Variants in CARF observed in about 807,000 individuals in gnomAD.
CARF encodes calcium-responsive transcription factor.
In CARF, 57 loss-of-function variants were observed where a neutral mutation model predicts 82.0. The observed-to-expected ratio is 0.70, with a 90% CI of 0.56 to 0.87. The LOEUF is 0.87. CARF is among the 40% of genes least tolerant of loss of function. The probability of loss-of-function intolerance (pLI) is 0.00; values close to 1 mark genes in which losing one functional copy is unlikely to be tolerated. For missense variants in CARF, 771 were observed against 855.8 expected (o/e 0.90, Z 1.24); for synonymous variants, 268 against 290.1 (o/e 0.92, Z 0.77).
intron 1 of CARF, among the ~76,000 whole-genome samples, chr2:202,913,903 ATAATATAAGACT>A (rs1427854382): frequency 2.0e-5 from 3 of 152,238 alleles, no homozygotes; most frequent in Non-Finnish European, 2.9e-5. Context: ...TATATGCTTA[ATAATATAAGACT>A]TTCAGTTTGC....
At chr2:202,969,028 G>A (rs759652377) in intron 10 of CARF, among the ~76,000 whole-genome samples, 7 of 152,144 alleles carry the variant, frequency 4.6e-5, no homozygotes, top group Non-Finnish European at 7.3e-5. Flanking sequence ...GGTGGCTCAC[G>A]CCTATAATCC....
intron 6 of CARF, 134 bp from the exon 7 acceptor site, chr2:202,953,871 A>C (rs2058890307): frequency 1.7e-6 from 1 of 595,298 alleles, no homozygotes; most frequent in Non-Finnish European, 2.5e-6. Flanking sequence ...ATTCTCAATA[A>C]AGCATTATTC....
rs779004166 is a variant in CARF at position 202,981,580 on chromosome 2, C to T, written c.1584C>T (p.Thr528=). 2 of 1,603,392 alleles carry T rather than the reference C, an allele frequency of 1.2e-6. No homozygotes were observed. The highest frequency in any genetic ancestry group is 1.7e-6 in the Non-Finnish European group (2 of 1,173,794). ...AEGNSPGESI[T]TKVETNQTRG... The stretch of plus-strand genomic sequence containing the variant: ...GAAATTCACCAGGAGAATCAATTAC[C>T]ACCAAAGTGGAAACAAATCAGACCA... The change falls in exon 15 of 17, where the codon ACC becomes ACT. Residue 528 remains threonine, a synonymous_variant. Transcript: ENST00000438828.
Position 202,945,542 on chromosome 2 carries a change from TTGTAAG to T in CARF, c.306+2578_306+2583del, listed in dbSNP as rs1173550181. 5.3e-5 allele frequency among the ~76,000 whole-genome samples: 8 copies of T among 152,180 alleles called. No homozygotes were observed. The East Asian group carries it at 1.4e-3, about 26-fold the overall frequency. ...TAAGTTTTTATCATTTAGCTCCCCC[TTGTAAG>T]TGAGAACATGCAGTATTTGGTTTTT... is the stretch of plus-strand genomic sequence containing the variant. On this transcript the variant is annotated intron_variant, in intron 5 of 16. Coordinates refer to ENST00000438828, the MANE Select transcript of CARF (RefSeq NM_024744.17).
At chr2:202,940,150 C>G (rs1292975393) in intron 3 of CARF, among the ~76,000 whole-genome samples, 1 of 152,172 alleles carries the variant, frequency 6.6e-6, no homozygotes, top group Non-Finnish European at 1.5e-5. Context: ...TCTTCTGCCT[C>G]AGCCTCCCAA....
chr2:202,977,300 T>C lies in CARF; in HGVS notation c.1526T>C (p.Leu509Pro), dbSNP rs1010188578. Reference sequence around the variant, plus strand: ...TGGACTACAGACAGTGGGAATATTCTCAAAGAGACCATGACAGTTACATTT... The same window carrying C: ...TGGACTACAGACAGTGGGAATATTCCCAAAGAGACCATGACAGTTACATTT... ...LQWTTDSGNI[L>P]KETMTVTFAE... The change falls in exon 14 of 17, where the codon CTC becomes CCC. Residue 509 changes from leucine (L) to proline (P), a missense_variant. Leu to Pro is a moderately conservative substitution (Grantham distance 98, BLOSUM62 -3). Transcript: ENST00000438828. 1 of 1,612,670 alleles carries C rather than the reference T, an allele frequency of 6.2e-7. No individual in the cohort carries two copies. The highest frequency in any genetic ancestry group is 1.3e-5 in the African/African-American group (1 of 74,892).
rs1262652068 is a variant in CARF, at chr2:202,983,449, C to G, written c.2060-57C>G. The stretch of plus-strand genomic sequence containing the variant: ...TTAGAATATAAAATATTTTTCCCCT[C>G]TCTTCCAGTGTCATGAAATAGATTA... On this transcript the variant is annotated intron_variant, in intron 16 of 16. Transcript: ENST00000438828. The G allele has an allele frequency of 5.6e-6, 6 of 1,072,030 alleles. No individual in the cohort carries two copies. The South Asian group carries it at 8.4e-5, about 15-fold the overall frequency. The allele number at this position is 1,072,030 out of a possible 1,614,324, so 66.4% of individuals were successfully genotyped here.
chr2:202,934,666 G>A (rs1403369378), intron 3 of CARF: 1 of 152,204 alleles, frequency 6.6e-6, no homozygotes, highest in Non-Finnish European at 1.5e-5. Context: ...TGTTGTCCGG[G>A]CTCGTCTGGA....
chr2:202,942,273 C>G (rs1478091834), intron 4 of CARF, among the ~76,000 whole-genome samples: 1 of 151,776 alleles, frequency 6.6e-6, no homozygotes, highest in African/African-American at 2.4e-5. Flanking sequence ...ACTCAGGAGG[C>G]TGAGGCAGGA....
rs777812066 is a variant in CARF, at chr2:202,966,970, G to A, written c.833-8G>A. On this transcript the variant is annotated splice_region_variant and splice_polypyrimidine_tract_variant and intron_variant, in intron 9 of 16. Transcript: ENST00000438828. ...GAATTAATATCAATAGTTGGTTTTG[G>A]CCCACAGGGAGTAGAGCTGTGGTAA... is the stretch of plus-strand genomic sequence containing the variant. 9 of 1,612,092 alleles carry A rather than the reference G, an allele frequency of 5.6e-6. No homozygotes were observed. In the Admixed American group the frequency reaches 1.5e-4, roughly 27 times the overall value.
chr2:202,921,688 T>C (rs1690823914), intron 2 of CARF, among the ~76,000 whole-genome samples: 1 of 152,224 alleles, frequency 6.6e-6, no homozygotes, highest in African/African-American at 2.4e-5. Flanking sequence ...TATATATGAT[T>C]AGAAAAAATC....
intron 3 of CARF, among the ~76,000 whole-genome samples, chr2:202,928,387 G>C (rs1173823305): frequency 6.6e-6 from 1 of 151,906 alleles, no homozygotes; most frequent in African/African-American, 2.4e-5. Context: ...CGGACACTTA[G>C]GTTGATTCCA....
At chr2:202,928,981 C>T (rs1235651402) in intron 3 of CARF, among the ~76,000 whole-genome samples, 6 of 151,128 alleles carry the variant, frequency 4.0e-5, no homozygotes, top group Admixed American at 6.7e-5. Context: ...CCTCCAGCCT[C>T]AGCCTCCCAA....
At chr2:202,975,892 A>G (rs191387552) in intron 13 of CARF, among the ~76,000 whole-genome samples, 1 of 151,764 alleles carries the variant, frequency 6.6e-6, no homozygotes. Flanking sequence ...CAAAAATACA[A>G]AAATTAGCCG....
chr2:202,966,938 G>T (rs1262561181), intron 9 of CARF, 40 bp from the exon 10 acceptor site: 3 of 1,602,364 alleles, frequency 1.9e-6, no homozygotes, highest in Non-Finnish European at 2.6e-6. Context: ...AGAATAGATG[G>T]ACACTTGAAT....
At position 202,984,471 on chromosome 2, in the gene CARF, A is replaced by T. The variant is rs529945479; in HGVS notation, c.*847A>T. ...CTTGGTGTTTACAGATAATTTGGAA[A>T]ACTTTTTGATGACAGCAGAGGATTT... On this transcript the variant is annotated 3_prime_UTR_variant, in exon 17 of 17. Transcript: ENST00000438828. 1.3e-5 allele frequency: 2 copies of T among 152,320 alleles called. No homozygotes were observed. Among genetic ancestry groups the T allele is most frequent in the South Asian group, 4.1e-4 (2 of 4,830 alleles). 9.4% of individuals were successfully genotyped at this position (152,320 alleles called of 1,614,324 possible).
intron 3 of CARF, among the ~76,000 whole-genome samples, chr2:202,939,173 A>T (rs2058094222): frequency 6.6e-6 from 1 of 152,086 alleles, no homozygotes. Context: ...TTATCTGTGG[A>T]TTCATGTCTT....
rs2060242733 is a variant in CARF, at chr2:202,981,023, A to G, written c.1559-532A>G. The stretch of plus-strand genomic sequence containing the variant: ...CCGAATTAAAATTAATGGAGGTTAA[A>G]CCTAGGAATCTATGTTTTCTTAAAC... On this transcript the variant is annotated intron_variant, in intron 14 of 16. Coordinates refer to ENST00000438828, the MANE Select transcript of CARF (RefSeq NM_024744.17). 3.9e-5 allele frequency among the ~76,000 whole-genome samples: 6 copies of G among 152,216 alleles called. No homozygotes were observed. In the South Asian group the frequency reaches 1.2e-3, roughly 32 times the overall value.
intron 7 of CARF, 79 bp downstream of exon 7, chr2:202,954,213 C>A: frequency 2.1e-6 from 3 of 1,452,246 alleles, no homozygotes; most frequent in South Asian, 1.4e-5. Context: ...TTAAAGCTGG[C>A]AGACTATAGA....
Sources: gnomAD v4.1 joint callset for allele counts (sites outside exome capture counted in the v4.1 genomes callset) on GRCh38, gnomAD v4.1.1 for gene constraint, MANE v1.5 for transcripts, NCBI Gene and HGNC (gene_info 2026-07-23, HGNC 2026-07-21) for gene names.